Variants in MIGA2 observed in about 807,000 individuals in gnomAD.
The protein encoded by MIGA2 is family with sequence similarity 73, member B.
In MIGA2, 36 loss-of-function variants were observed where a neutral mutation model predicts 69.9. The ratio of observed to expected loss-of-function variants is 0.52; its 90% CI spans 0.39 to 0.68. The LOEUF is 0.68. MIGA2 is among the 30% of genes least tolerant of loss of function. The pLI is 0.00. For synonymous variants in MIGA2, 333 were observed against 349.2 expected (o/e 0.95, Z 0.52); for missense variants, 660 against 787.7 (o/e 0.84, Z 1.94).
rs370343401 is a variant in MIGA2 at position 129,040,736 on chromosome 9, A to T, written c.96+46A>T. The T allele has an allele frequency of 7.0e-6, 11 of 1,560,390 alleles. No homozygotes were observed. The African/African-American group carries it at 1.4e-4, about 19-fold the overall frequency. ...TACCTCTGGTCTATGAAACACTTCCATGCTCAGCCAAGGGCTCCTCCGTGT... is the reference window on the plus strand; with the variant it reads ...TACCTCTGGTCTATGAAACACTTCCTTGCTCAGCCAAGGGCTCCTCCGTGT... On this transcript the variant is annotated intron_variant, in intron 2 of 15. Coordinates refer to ENST00000684074, the MANE Select transcript of MIGA2 (RefSeq NM_001329990.2).
rs375967536 is a variant in MIGA2 at position 129,063,231 on chromosome 9, G to C, written c.1011-13G>C. On this transcript the variant is annotated splice_polypyrimidine_tract_variant and intron_variant, in intron 9 of 15. Coordinates refer to ENST00000684074, the MANE Select transcript of MIGA2 (RefSeq NM_001329990.2). ...GGGACCAGGTTGTGTGACGCCGTCT[G>C]TCCTCCCCTCAGGACGGAGCTGCTG... The C allele has an allele frequency of 8.1e-6, 13 of 1,613,748 alleles. No individual in the cohort carries two copies. The African/African-American group carries it at 1.6e-4, about 20-fold the overall frequency.
intron 6 of MIGA2, among the ~76,000 whole-genome samples, chr9:129,053,905 T>C (rs1845672609): frequency 6.6e-6 from 1 of 151,870 alleles, no homozygotes; most frequent in South Asian, 2.1e-4. Context: ...TAGCTGGGTG[T>C]CATGGCATGT....
rs184542896 is a variant in MIGA2, at chr9:129,048,029, C to A, written c.308-398C>A. On this transcript the variant is annotated intron_variant, in intron 3 of 15. Coordinates refer to ENST00000684074, the MANE Select transcript of MIGA2 (RefSeq NM_001329990.2). ...TATAGGTGTGAGCCACCGTGCCCGG[C>A]CTTTTGTATATTTTTAAAAGTTGTC... Among the ~76,000 whole-genome samples, 46 of 152,296 alleles carry A rather than the reference C, an allele frequency of 3.0e-4. 1 individual carries two copies. The East Asian group carries it at 8.9e-3, about 29-fold the overall frequency.
intron 3 of MIGA2, among the ~76,000 whole-genome samples, chr9:129,047,421 AT>A (rs1041190928): frequency 4.5e-4 from 65 of 144,092 alleles, no homozygotes; most frequent in Admixed American, 9.1e-4. Context: ...ATTTCATTAA[AT>A]TTTTTTTTTT....
At position 129,059,060 on chromosome 9, in the gene MIGA2, CT is replaced by C; in HGVS notation, c.676-93del. On this transcript the variant is annotated intron_variant, in intron 6 of 15. Transcript: ENST00000684074. The surrounding 1 kb of genome is among the most constrained non-coding windows in gnomAD (Gnocchi z 5.6). Reference sequence around the variant, plus strand: ...GCTTAGCTGCTGGGTCCTAGAGCTCCTCCCCTTTCCCCAGGGACCTGGGGGT... The same window carrying C: ...GCTTAGCTGCTGGGTCCTAGAGCTCCCCCCTTTCCCCAGGGACCTGGGGGT... 1 of 1,120,848 alleles carries C rather than the reference CT, an allele frequency of 8.9e-7. No homozygotes were observed. The highest frequency in any genetic ancestry group is 1.3e-6 in the Non-Finnish European group (1 of 749,146). The allele number at this position is 1,120,848 out of a possible 1,614,324, so 69.4% of individuals were successfully genotyped here. A position where few individuals can be genotyped will look rare whatever the true frequency, so the allele number is the denominator to read the frequency against.
At chr9:129,062,617 G>T (rs1846126226) in intron 9 of MIGA2, among the ~76,000 whole-genome samples, 1 of 151,738 alleles carries the variant, frequency 6.6e-6, no homozygotes, top group Non-Finnish European at 1.5e-5. Flanking sequence ...GCCAAAGCAG[G>T]CAGATCACTT....
chr9:129,070,475 G>A lies in MIGA2; in HGVS notation c.*22G>A. On this transcript the variant is annotated 3_prime_UTR_variant, in exon 16 of 16. Coordinates refer to ENST00000684074, the MANE Select transcript of MIGA2 (RefSeq NM_001329990.2). ...GTAGAGGCGGCACGGGCTGGGGGGT[G>A]GCAGAGAGAAGGCTCCTCCTCCCTT... 6.6e-7 allele frequency: 1 copy of A among 1,510,372 alleles called. No homozygotes were observed. Among genetic ancestry groups the A allele is most frequent in the South Asian group, 1.3e-5 (1 of 79,696 alleles). The allele number at this position is 1,510,372 out of a possible 1,614,324, so 93.6% of individuals were successfully genotyped here.
chr9:129,055,066 AT>A (rs1021809108), intron 6 of MIGA2, among the ~76,000 whole-genome samples: 51 of 142,742 alleles, frequency 3.6e-4, no homozygotes, highest in African/African-American at 1.0e-3. Context: ...TAATTTTTGT[AT>A]TTTTTTTCTT....
chr9:129,068,342 T>C lies in MIGA2; in HGVS notation c.1404+10T>C. ...CAGCTTCAAGGAGACGGTGGGTCACTGCCCTGCTCTCAGACCCACACTTGC... is the reference window on the plus strand; with the variant it reads ...CAGCTTCAAGGAGACGGTGGGTCACCGCCCTGCTCTCAGACCCACACTTGC... On this transcript the variant is annotated intron_variant, in intron 13 of 15. Transcript: ENST00000684074. This position sits in a 1 kb window ranked among gnomAD's most constrained non-coding sequence, Gnocchi z 4.1. 6.2e-7 allele frequency: 1 copy of C among 1,600,616 alleles called. No homozygotes were observed. Among genetic ancestry groups the C allele is most frequent in the Non-Finnish European group, 8.5e-7 (1 of 1,178,318 alleles).
At position 129,040,700 on chromosome 9, in the gene MIGA2, A is replaced by G. The variant is rs759333037; in HGVS notation, c.96+10A>G. 1 of 1,611,692 alleles carries G rather than the reference A, an allele frequency of 6.2e-7. No homozygotes were observed. Among genetic ancestry groups the G allele is most frequent in the East Asian group, 2.2e-5 (1 of 44,808 alleles). On this transcript the variant is annotated intron_variant, in intron 2 of 15. Transcript: ENST00000684074. ...CACGACGTTTGGGCAGGTAAGGATC[A>G]GGGTGGGTTGTACCTCTGGTCTATG...
At chr9:129,065,960 C>G (rs1440861589) in intron 11 of MIGA2, among the ~76,000 whole-genome samples, 1 of 152,236 alleles carries the variant, frequency 6.6e-6, no homozygotes, top group African/African-American at 2.4e-5. Flanking sequence ...GGGCCAGTGT[C>G]AGAACTCTCC....
At chr9:129,040,821 T>G (rs975398324) in intron 2 of MIGA2, 131 bp downstream of exon 2, 1 of 709,318 alleles carries the variant, frequency 1.4e-6, no homozygotes, top group Admixed American at 3.1e-5. Flanking sequence ...CTCTTTGGAC[T>G]GGGTTTGTTG....
intron 3 of MIGA2, among the ~76,000 whole-genome samples, chr9:129,046,435 G>T (rs1845227211): frequency 6.6e-6 from 1 of 151,802 alleles, no homozygotes; most frequent in South Asian, 2.1e-4. Flanking sequence ...ACCAGCCTGG[G>T]TGGTATGTGG....
intron 11 of MIGA2, among the ~76,000 whole-genome samples, chr9:129,065,054 A>AAT (rs1846271898): frequency 6.6e-6 from 1 of 151,706 alleles, no homozygotes; most frequent in Admixed American, 6.6e-5. Context: ...AAGTGCTGGG[A>AAT]TTATAGATGT....
chr9:129,065,291 C>G (rs1310226133), intron 11 of MIGA2, among the ~76,000 whole-genome samples: 1 of 151,856 alleles, frequency 6.6e-6, no homozygotes, highest in African/African-American at 2.4e-5. Flanking sequence ...CAGAGTGAGA[C>G]CCTGTCTCAA....
intron 6 of MIGA2, among the ~76,000 whole-genome samples, chr9:129,054,104 T>C (rs1845682368): frequency 6.6e-6 from 1 of 152,140 alleles, no homozygotes; most frequent in South Asian, 2.1e-4. Flanking sequence ...TTTGGTATAT[T>C]CACAAAATTG....
At chr9:129,065,144 T>C (rs1438029002) in intron 11 of MIGA2, among the ~76,000 whole-genome samples, 1 of 149,934 alleles carries the variant, frequency 6.7e-6, no homozygotes, top group Non-Finnish European at 1.5e-5. Context: ...GTGTAAAAAA[T>C]ATAGGATTTG....
At position 129,040,581 on chromosome 9, in the gene MIGA2, G is replaced by A. The variant is rs768264076; in HGVS notation, c.-14G>A. The A allele has an allele frequency of 3.9e-5, 63 of 1,607,806 alleles. 1 individual carries two copies. In the South Asian group the frequency reaches 6.7e-4, roughly 17 times the overall value. On this transcript the variant is annotated 5_prime_UTR_variant, in exon 2 of 16. Coordinates refer to ENST00000684074, the MANE Select transcript of MIGA2 (RefSeq NM_001329990.2). ...CTTGGCCCTGAGGACTTTGCCTGGG[G>A]CATTGGCCCTGCCATGGCGTTCCGG...
intron 3 of MIGA2, among the ~76,000 whole-genome samples, chr9:129,046,351 G>A (rs1011144384): frequency 6.6e-6 from 1 of 152,082 alleles, no homozygotes; most frequent in Non-Finnish European, 1.5e-5. Flanking sequence ...CAAAATATTG[G>A]CCATGTATAG....
Sources: gnomAD v4.1 joint callset for allele counts (sites outside exome capture counted in the v4.1 genomes callset) on GRCh38, gnomAD v4.1.1 for gene constraint, Gnocchi (gnomAD v3.1) non-coding constraint, MANE v1.5 for transcripts, NCBI Gene and HGNC (gene_info 2026-07-23, HGNC 2026-07-21) for gene names.